The following CSPP1 variants were observed in gnomAD, a reference collection of about 807,000 sequenced individuals.
CSPP1 encodes centrosome and spindle pole-associated protein 1.
In CSPP1, 126 loss-of-function variants were observed where a neutral mutation model predicts 164.4. That is an observed-to-expected ratio of 0.77 (90% CI 0.66 to 0.89). The LOEUF is 0.89. CSPP1 is among the 40% of genes least tolerant of loss of function. The pLI is 0.00. For missense variants in CSPP1, 1,395 were observed against 1,449.8 expected (o/e 0.96, Z 0.61); for synonymous variants, 472 against 476.7 (o/e 0.99, Z 0.13).
At chr8:67,171,073 A>G (rs1355937241) in intron 24 of CSPP1, among the ~76,000 whole-genome samples, 1 of 140,194 alleles carries the variant, frequency 7.1e-6, no homozygotes, top group East Asian at 2.4e-4. Context: ...GGCATGAGCT[A>G]CTGTGCCCGG....
intron 2 of CSPP1, among the ~76,000 whole-genome samples, chr8:67,075,964 T>C (rs991681227): frequency 6.6e-6 from 1 of 152,204 alleles, no homozygotes; most frequent in Non-Finnish European, 1.5e-5. Context: ...TTAAAGACAG[T>C]TTTGTTATAA....
At chr8:67,158,638 A>T (rs764964481) in intron 20 of CSPP1, 42 bp downstream of exon 20, 149 of 1,522,524 alleles carry the variant, frequency 9.8e-5, no homozygotes, top group Non-Finnish European at 1.3e-4. Context: ...CTTAGTCTGA[A>T]GGTGAAATCT....
intron 21 of CSPP1, among the ~76,000 whole-genome samples, chr8:67,160,903 T>C (rs975371639): frequency 4.6e-5 from 7 of 152,144 alleles, no homozygotes. Context: ...CTCGGCTCAC[T>C]GCAACTTCCG....
intron 22 of CSPP1, 147 bp from the exon 23 acceptor site, chr8:67,163,585 G>C: frequency 1.7e-6 from 1 of 597,218 alleles, no homozygotes; most frequent in Non-Finnish European, 3.0e-6. Context: ...ACTCTACCTT[G>C]GGTAGAGTAT....
intron 13 of CSPP1, among the ~76,000 whole-genome samples, chr8:67,117,294 G>A (rs1204945040): frequency 6.6e-6 from 1 of 152,164 alleles, no homozygotes; most frequent in Admixed American, 6.5e-5. Flanking sequence ...GCTAGTAAAT[G>A]TGAAAGATAT....
At chr8:67,089,243 G>A (rs1195763028) in intron 4 of CSPP1, among the ~76,000 whole-genome samples, 1 of 151,690 alleles carries the variant, frequency 6.6e-6, no homozygotes, top group Non-Finnish European at 1.5e-5. Flanking sequence ...TGCCCTTCCT[G>A]CCCAGAGATG....
intron 9 of CSPP1, among the ~76,000 whole-genome samples, chr8:67,106,499 C>T (rs1355696908): frequency 1.3e-5 from 2 of 152,126 alleles, no homozygotes; most frequent in East Asian, 3.9e-4. Flanking sequence ...TTTCTTTTCT[C>T]CAAATTAAAC....
chr8:67,159,950 CTTCCTTCT>C (rs1439212416), intron 21 of CSPP1, among the ~76,000 whole-genome samples: 420 of 27,374 alleles, frequency 0.015, 13 homozygotes, highest in East Asian at 0.026. Flanking sequence ...TCCTTCCTTC[CTTCCTTCT>C]TTCTTTTCTT....
Position 67,195,249 on chromosome 8 carries a change from A to C in CSPP1, c.3470-133A>C, listed in dbSNP as rs889410058. On this transcript the variant is annotated intron_variant, in intron 30 of 30. Transcript: ENST00000678616. ...TGGGGTGAGTCTAACCAAAACAAACAAACAGTAGAGTTCAGGATATGAGAC... is the reference window on the plus strand; with the variant it reads ...TGGGGTGAGTCTAACCAAAACAAACCAACAGTAGAGTTCAGGATATGAGAC... 11 of 724,834 alleles carry C rather than the reference A, an allele frequency of 1.5e-5. No homozygotes were observed. The East Asian group carries it at 2.0e-4, about 13-fold the overall frequency. The allele number at this position is 724,834 out of a possible 1,614,324, so 44.9% of individuals were successfully genotyped here.
chr8:67,165,976 G>A (rs975299201), intron 24 of CSPP1, among the ~76,000 whole-genome samples: 13 of 152,022 alleles, frequency 8.6e-5, no homozygotes, highest in Non-Finnish European at 1.8e-4. Context: ...TTATTCAATC[G>A]TTTATTTATT....
At chr8:67,184,374 T>C (rs1428426499) in intron 28 of CSPP1, among the ~76,000 whole-genome samples, 1 of 152,188 alleles carries the variant, frequency 6.6e-6, no homozygotes, top group Non-Finnish European at 1.5e-5. Flanking sequence ...CCAAGAGTTA[T>C]TTCTGAGAAG....
intron 9 of CSPP1, among the ~76,000 whole-genome samples, chr8:67,108,683 C>T (rs568140925): frequency 6.6e-6 from 1 of 152,146 alleles, no homozygotes; most frequent in African/African-American, 2.4e-5. Context: ...TTACTTGATG[C>T]TGGACTGGTC....
chr8:67,130,554 CAT>C (rs1386416932), intron 15 of CSPP1, among the ~76,000 whole-genome samples: 2 of 152,168 alleles, frequency 1.3e-5, no homozygotes, highest in Non-Finnish European at 2.9e-5. Context: ...TTTAGCCACT[CAT>C]AATCCAATGT....
chr8:67,125,158 A>G (rs1187762618), intron 15 of CSPP1, among the ~76,000 whole-genome samples: 3 of 152,176 alleles, frequency 2.0e-5, no homozygotes, highest in African/African-American at 7.2e-5. Context: ...TTCTTACAGA[A>G]CAGGTCTCTT....
intron 17 of CSPP1, among the ~76,000 whole-genome samples, chr8:67,138,415 A>T (rs922925548): frequency 6.6e-6 from 1 of 152,208 alleles, no homozygotes; most frequent in Non-Finnish European, 1.5e-5. Context: ...ATCTTGTATT[A>T]ATTAGGGAAC....
intron 28 of CSPP1, 120 bp downstream of exon 28, chr8:67,180,046 T>C (rs1011043795): frequency 6.5e-5 from 35 of 540,238 alleles, no homozygotes; most frequent in Non-Finnish European, 1.1e-4. Flanking sequence ...AGGAATATTC[T>C]TTTTTCTGTT....
At chr8:67,160,847 AAT>A (rs1484352708) in intron 21 of CSPP1, among the ~76,000 whole-genome samples, 6 of 151,822 alleles carry the variant, frequency 4.0e-5, no homozygotes, top group African/African-American at 1.5e-4. Flanking sequence ...TTTATTTAGA[AAT>A]AGAGACTCGC....
At chr8:67,168,053 G>A (rs998501909) in intron 24 of CSPP1, among the ~76,000 whole-genome samples, 2 of 152,198 alleles carry the variant, frequency 1.3e-5, no homozygotes, top group East Asian at 1.9e-4. Context: ...CCGGCACCTC[G>A]GGAGGCCGAG....
At chr8:67,092,460 C>T (rs555917074) in intron 5 of CSPP1, among the ~76,000 whole-genome samples, 10 of 151,582 alleles carry the variant, frequency 6.6e-5, no homozygotes, top group Admixed American at 1.3e-4. Context: ...TTTTTTGAGA[C>T]GAAGTATCAC....
Sources: gnomAD v4.1 joint callset for allele counts (sites outside exome capture counted in the v4.1 genomes callset) on GRCh38, gnomAD v4.1.1 for gene constraint, MANE v1.5 for transcripts, NCBI Gene and HGNC (gene_info 2026-07-23, HGNC 2026-07-21) for gene names.